The following SPTBN4 variants were observed in gnomAD, a reference collection of about 807,000 sequenced individuals.
SPTBN4 encodes the protein spectrin beta, non-erythrocytic 4.
In SPTBN4, 96 loss-of-function variants were observed where a neutral mutation model predicts 277.8. The ratio of observed to expected loss-of-function variants is 0.35; its 90% CI spans 0.29 to 0.41. SPTBN4 has a LOEUF of 0.41. Ranked by LOEUF, SPTBN4 falls within the 10% of genes least tolerant of loss-of-function variation. The pLI, the probability that SPTBN4 is intolerant of heterozygous loss-of-function variation, is 1.00. For synonymous variants in SPTBN4, 1,481 were observed against 1,580.3 expected (o/e 0.94, Z 1.49); for missense variants, 3,006 against 3,595.7 (o/e 0.84, Z 4.19).
rs1297075457 is a variant in SPTBN4 at position 40,504,056 on chromosome 19, G to A, written c.1589G>A (p.Arg530Gln). ...GGGCTTGTGGGTGCCCGGCGGACAC[G>A]ACTTGAGCAGAACCTTGCCCTGCAG... ...LTGLVGARRT[R>Q]LEQNLALQKV... Residue 530 changes from arginine to glutamine, a missense_variant, in exon 12 of 36, where the codon CGA becomes CAA. This residue lies in a region of SPTBN4 where 1,759 missense variants were observed against 2,061.5 expected (regional missense o/e 0.85). Coordinates refer to ENST00000598249, the MANE Select transcript of SPTBN4 (RefSeq NM_020971.3). 6 of 1,604,314 alleles carry A rather than the reference G, an allele frequency of 3.7e-6. No individual in the cohort carries two copies. Among genetic ancestry groups the A allele is most frequent in the Admixed American group, 1.7e-5 (1 of 59,686 alleles).
chr19:40,527,438 T>C (rs1461284648), intron 17 of SPTBN4, among the ~76,000 whole-genome samples: 1 of 152,202 alleles, frequency 6.6e-6, no homozygotes, highest in Non-Finnish European at 1.5e-5. Context: ...GGAAATGATA[T>C]ATCCTAGCAT....
intron 20 of SPTBN4, among the ~76,000 whole-genome samples, chr19:40,544,822 T>C (rs2080841778): frequency 6.6e-6 from 1 of 151,822 alleles, no homozygotes; most frequent in Non-Finnish European, 1.5e-5. Context: ...ATTTTACTCT[T>C]TTTTATTTTT....
rs969291674 is a variant in SPTBN4 at position 40,467,134 on chromosome 19, C to G, written c.-187C>G. On this transcript the variant is annotated 5_prime_UTR_variant, in exon 1 of 36. Coordinates refer to ENST00000598249, the MANE Select transcript of SPTBN4 (RefSeq NM_020971.3). ...GGGCGCGCTGAGCGCGGCGGCGGCG[C>G]GAGAGAGGGAGGCGCGGCGGCGCAT... 33 of 148,684 alleles carry G rather than the reference C, an allele frequency of 2.2e-4. No homozygotes were observed. The highest frequency in any genetic ancestry group is 7.8e-4 in the African/African-American group (32 of 41,036). 9.2% of individuals were successfully genotyped at this position (148,684 alleles called of 1,614,324 possible).
At position 40,565,128 on chromosome 19, in the gene SPTBN4, G is replaced by A. The variant is rs942267941; in HGVS notation, c.5916-295G>A. ...AAAAATATAAAAATTATCTGGGCGT[G>A]GTGGCAGGTGCCTGTAATCCCAGCT... On this transcript the variant is annotated intron_variant, in intron 27 of 35. Transcript: ENST00000598249. Among the ~76,000 whole-genome samples, 4 of 151,806 alleles carry A rather than the reference G, an allele frequency of 2.6e-5. No individual in the cohort carries two copies. The East Asian group carries it at 7.7e-4, about 29-fold the overall frequency.
In SPTBN4 at chr19:40,504,152, G is replaced by GGGGGGGGGCGGCC; in HGVS notation, c.1665+20_1665+21insGGGGGGGGCGGCC. 1.1e-6 allele frequency: 1 copy of GGGGGGGGGCGGCC among 877,204 alleles called. No homozygotes were observed. The allele number at this position is 877,204 out of a possible 1,614,324, so 54.3% of individuals were successfully genotyped here. A position where few individuals can be genotyped will look rare whatever the true frequency, so the allele number is the denominator to read the frequency against. On this transcript the variant is annotated intron_variant, in intron 12 of 35. Coordinates refer to ENST00000598249, the MANE Select transcript of SPTBN4 (RefSeq NM_020971.3). The stretch of plus-strand genomic sequence containing the variant: ...ATGCAGGTGCCGGCGGGGGGGCGGG[G>GGGGGGGGGCGGCC]ATGCGGGTGGAGTGCCAGGAGGGAG...
Position 40,547,212 on chromosome 19 carries a change from A to G in SPTBN4, c.4360-1977A>G, listed in dbSNP as rs189030216. ...ACCCCATGACAGGCCCCGGTGTGTG[A>G]TGTTCCCTGCCCTGTGTCCAAGTGT... On this transcript the variant is annotated intron_variant, in intron 20 of 35. Coordinates refer to ENST00000598249, the MANE Select transcript of SPTBN4 (RefSeq NM_020971.3). 6.4e-3 allele frequency among the ~76,000 whole-genome samples: 730 copies of G among 113,918 alleles called. 3 individuals carry two copies. Among genetic ancestry groups the G allele is most frequent in the African/African-American group, 0.02 (584 of 29,120 alleles). 74.7% of individuals were successfully genotyped at this position (113,918 alleles called of 152,430 possible).
chr19:40,505,637 T>C (rs567541857), intron 12 of SPTBN4, among the ~76,000 whole-genome samples: 18 of 149,308 alleles, frequency 1.2e-4, no homozygotes, highest in Non-Finnish European at 2.4e-4. Flanking sequence ...GCCACTGCAC[T>C]CCAGCCTGGG....
chr19:40,560,033 C>G lies in SPTBN4; in HGVS notation c.5671-126C>G. ...AATCAGGCAGCAGATATGACAGGAGCCTGGCTGTGGGATCACAGTGTGAGG... is the reference window on the plus strand; with the variant it reads ...AATCAGGCAGCAGATATGACAGGAGGCTGGCTGTGGGATCACAGTGTGAGG... On this transcript the variant is annotated intron_variant, in intron 26 of 35. Coordinates refer to ENST00000598249, the MANE Select transcript of SPTBN4 (RefSeq NM_020971.3). The surrounding 1 kb of genome is among the most constrained non-coding windows in gnomAD (Gnocchi z 5.2). The G allele has an allele frequency of 7.0e-7, 1 of 1,432,246 alleles. No homozygotes were observed. The highest frequency in any genetic ancestry group is 9.1e-7 in the Non-Finnish European group (1 of 1,097,058). The allele number at this position is 1,432,246 out of a possible 1,614,324, so 88.7% of individuals were successfully genotyped here. A position where few individuals can be genotyped will look rare whatever the true frequency, so the allele number is the denominator to read the frequency against.
intron 18 of SPTBN4, chr19:40,530,952 T>C (rs796913418): frequency 4.8e-4 from 66 of 138,662 alleles, no homozygotes; most frequent in African/African-American, 1.8e-3. Flanking sequence ...GCCCTGGGGT[T>C]GGGGGTTTCT....
In SPTBN4 at chr19:40,472,680, A is replaced by T. The variant is rs199950227; in HGVS notation, c.59A>T (p.Asn20Ile). The change falls in exon 2 of 36, where the codon AAC becomes ATC. Residue 20 changes from asparagine (N) to isoleucine (I), a missense_variant. This residue lies in a region of SPTBN4 where 78 missense variants were observed against 65.7 expected (regional missense o/e 1.19). Transcript: ENST00000598249. Reference protein sequence around the residue: ...NMEGLPAPNNNPAARWESPDR... With the variant: ...NMEGLPAPNNIPAARWESPDR... ...GAGGGCCTGCCTGCTCCTAACAACA[A>T]CCCTGCTGCCCGCTGGGAGAGTCCG... The T allele has an allele frequency of 1.2e-6, 2 of 1,613,684 alleles. No individual in the cohort carries two copies. Among genetic ancestry groups the T allele is most frequent in the Non-Finnish European group, 1.7e-6 (2 of 1,179,896 alleles).
At chr19:40,550,442 CTG>C (rs2080905584) in intron 22 of SPTBN4, 115 bp downstream of exon 22, 3 of 867,802 alleles carry the variant, frequency 3.5e-6, no homozygotes, top group Middle Eastern at 2.2e-4. Context: ...ATTAACAAGA[CTG>C]TGGACAGCAG....
At chr19:40,498,377 A>T (rs962699916) in intron 7 of SPTBN4, among the ~76,000 whole-genome samples, 1 of 84,210 alleles carries the variant, frequency 1.2e-5, no homozygotes, top group Non-Finnish European at 2.4e-5. Context: ...ATTTTATTTT[A>T]TTTATTTATT....
At position 40,513,560 on chromosome 19, in the gene SPTBN4, C is replaced by G. The variant is rs1371661290; in HGVS notation, c.2765+6C>G. Reference sequence around the variant, plus strand: ...GTCGAGGTGGTGCAGCACCGGTGAGCGCGCACATGTGGGACTCCGGGGTCC... The same window carrying G: ...GTCGAGGTGGTGCAGCACCGGTGAGGGCGCACATGTGGGACTCCGGGGTCC... On this transcript the variant is annotated splice_donor_region_variant and intron_variant, in intron 14 of 35. Transcript: ENST00000598249. The G allele has an allele frequency of 6.4e-7, 1 of 1,551,484 alleles. No individual in the cohort carries two copies.
intron 19 of SPTBN4, among the ~76,000 whole-genome samples, chr19:40,533,104 T>C (rs1366301802): frequency 1.3e-5 from 2 of 152,150 alleles, no homozygotes; most frequent in Non-Finnish European, 2.9e-5. Context: ...GTTGGGGAGA[T>C]GGGCTGGGAC....
chr19:40,519,557 G>A lies in SPTBN4; in HGVS notation c.3060G>A (p.Leu1020=). 1 of 1,562,216 alleles carries A rather than the reference G, an allele frequency of 6.4e-7. No homozygotes were observed. The highest frequency in any genetic ancestry group is 1.4e-5 in the African/African-American group (1 of 72,004). ...VESAPRAGGA[L]QWRLSGLEAA... is the part of the protein sequence containing the mutation. Reference sequence around the variant, plus strand: ...GCGCGCCCCGGGCCGGCGGCGCCCTGCAGTGGCGTCTTAGCGGCCTAGAGG... The same window carrying A: ...GCGCGCCCCGGGCCGGCGGCGCCCTACAGTGGCGTCTTAGCGGCCTAGAGG... Residue 1020 remains leucine (L), a synonymous_variant, in exon 16 of 36, where the codon CTG becomes CTA. Coordinates refer to ENST00000598249, the MANE Select transcript of SPTBN4 (RefSeq NM_020971.3). This position sits in a 1 kb window ranked among gnomAD's most constrained non-coding sequence, Gnocchi z 5.7.
chr19:40,550,529 G>T (rs1352788830), intron 22 of SPTBN4, among the ~76,000 whole-genome samples: 2 of 146,988 alleles, frequency 1.4e-5, no homozygotes, highest in African/African-American at 5.1e-5. Context: ...TTGAGATGGA[G>T]CCTTGCTTTG....
chr19:40,481,089 T>C (rs1302896233), intron 2 of SPTBN4, among the ~76,000 whole-genome samples: 1 of 151,948 alleles, frequency 6.6e-6, no homozygotes, highest in African/African-American at 2.4e-5. Flanking sequence ...ATAAAATAAA[T>C]GGTGGTGTTC....
chr19:40,494,818 G>T, intron 5 of SPTBN4, 79 bp from the exon 6 acceptor site: 3 of 1,244,510 alleles, frequency 2.4e-6, no homozygotes, highest in Non-Finnish European at 3.5e-6. Flanking sequence ...CTATCATTCG[G>T]TCTCCCTCTG....
In SPTBN4 at chr19:40,567,657, C is replaced by T. The variant is rs756573787; in HGVS notation, c.6337-6C>T. On this transcript the variant is annotated splice_polypyrimidine_tract_variant and splice_region_variant and intron_variant, in intron 30 of 35. Coordinates refer to ENST00000598249, the MANE Select transcript of SPTBN4 (RefSeq NM_020971.3). The stretch of plus-strand genomic sequence containing the variant: ...TCCAACCTAACCCTGGTCCCTCCAT[C>T]CTCAGATCGAGAAAATCAAAGCGGA... 3.7e-6 allele frequency: 5 copies of T among 1,366,394 alleles called. No individual in the cohort carries two copies. Among genetic ancestry groups the T allele is most frequent in the South Asian group, 1.3e-5 (1 of 77,892 alleles). The allele number at this position is 1,366,394 out of a possible 1,614,324, so 84.6% of individuals were successfully genotyped here. A position where few individuals can be genotyped will look rare whatever the true frequency, so the allele number is the denominator to read the frequency against.
Sources: allele counts gnomAD v4.1 joint callset (sites outside exome capture counted in the v4.1 genomes callset), GRCh38; gene constraint gnomAD v4.1.1; regional missense constraint gnomAD v4.1.1; non-coding constraint Gnocchi (gnomAD v3.1); transcripts MANE v1.5; gene names NCBI Gene and HGNC (gene_info 2026-07-23, HGNC 2026-07-21).